CSMD1: variants seen among roughly 807,000 people sequenced by gnomAD.
CSMD1 encodes the protein CUB and sushi domain-containing protein 1.
CSMD1 carries 213 observed loss-of-function variants against 417.5 expected under a neutral mutation model. That is an observed-to-expected ratio of 0.51 (90% CI 0.46 to 0.57). The LOEUF (loss-of-function observed/expected upper bound fraction) is 0.57, where lower values mean the gene tolerates loss of function less well. Ranked by LOEUF, CSMD1 falls within the 20% of genes least tolerant of loss-of-function variation. CSMD1 has a pLI of 0.00. For missense variants in CSMD1, 6,923 were observed against 4,529.7 expected (o/e 1.53, Z -15.17); for synonymous variants, 2,862 against 1,736.8 (o/e 1.65, Z -16.11).
At chr8:3,972,326 G>C (rs947151403) in intron 5 of CSMD1, among the ~76,000 whole-genome samples, 5 of 152,086 alleles carry the variant, frequency 3.3e-5, no homozygotes, top group African/African-American at 1.2e-4. Flanking sequence ...AGTTTTCCAA[G>C]ATTGTCACTT....
chr8:3,982,198 A>ATATT (rs67611582), intron 5 of CSMD1, among the ~76,000 whole-genome samples: 1 of 81,020 alleles, frequency 1.2e-5, no homozygotes, highest in African/African-American at 3.9e-5. Context: ...AATATTAATA[A>ATATT]AAAAAATAAT....
At chr8:4,278,198 G>C (rs750180082) in intron 3 of CSMD1, among the ~76,000 whole-genome samples, 2 of 151,894 alleles carry the variant, frequency 1.3e-5, no homozygotes, top group Non-Finnish European at 2.9e-5. Context: ...TATAATTCCA[G>C]TGCTCAATAG....
At chr8:4,079,772 C>G (rs1800025463) in intron 3 of CSMD1, among the ~76,000 whole-genome samples, 1 of 152,060 alleles carries the variant, frequency 6.6e-6, no homozygotes, top group African/African-American at 2.4e-5. Flanking sequence ...CAATTAATAA[C>G]CCATGTTCTC....
At position 3,788,291 on chromosome 8, in the gene CSMD1, T is replaced by C. The variant is rs75942898; in HGVS notation, c.819-34249A>G. Among the ~76,000 whole-genome samples, 152 of 152,318 alleles carry C rather than the reference T, an allele frequency of 1.0e-3. 4 individuals carry two copies. The East Asian group carries it at 0.025, about 25-fold the overall frequency. ...TTTTCTTTCTTAAGGAACTTTTTCA[T>C]AGCATTTTAGTAAAATGCATAATAA... On this transcript the variant is annotated intron_variant, in intron 5 of 69. Transcript: ENST00000635120.
chr8:3,298,544 C>T (rs113072551), intron 25 of CSMD1, among the ~76,000 whole-genome samples: 3,309 of 152,266 alleles, frequency 0.022, 110 homozygotes, highest in African/African-American at 0.074. Flanking sequence ...ACCTCTGCCT[C>T]CCAGGCTCAA....
chr8:4,458,879 G>A (rs1176928546), intron 2 of CSMD1, among the ~76,000 whole-genome samples: 2 of 152,308 alleles, frequency 1.3e-5, no homozygotes, highest in Middle Eastern at 3.4e-3. Context: ...ATTCCACAGT[G>A]AAACAAGCAC....
intron 3 of CSMD1, among the ~76,000 whole-genome samples, chr8:4,206,409 C>T (rs1407047076): frequency 6.6e-6 from 1 of 152,060 alleles, no homozygotes; most frequent in Admixed American, 6.6e-5. Flanking sequence ...CTGTTCAGTT[C>T]CCACCTATGA....
chr8:3,229,395 C>A (rs1306509902), intron 27 of CSMD1, among the ~76,000 whole-genome samples: 1 of 152,092 alleles, frequency 6.6e-6, no homozygotes, highest in Non-Finnish European at 1.5e-5. Context: ...AGACAATCTA[C>A]CTGCAATTAC....
chr8:4,430,709 C>G (rs560730981), intron 2 of CSMD1, among the ~76,000 whole-genome samples: 6 of 152,026 alleles, frequency 3.9e-5, no homozygotes, highest in Non-Finnish European at 8.8e-5. Context: ...AACAAAAAAT[C>G]TAAAGAGATT....
chr8:4,634,190 T>C (rs1319355595), intron 2 of CSMD1, among the ~76,000 whole-genome samples: 2 of 152,122 alleles, frequency 1.3e-5, no homozygotes, highest in African/African-American at 2.4e-5. Context: ...GTTGGTGTGT[T>C]TGTACTAAAG....
chr8:3,988,797 A>G (rs1045381297), intron 5 of CSMD1, among the ~76,000 whole-genome samples: 2 of 152,188 alleles, frequency 1.3e-5, no homozygotes, highest in African/African-American at 2.4e-5. Context: ...GGTCAATTAT[A>G]TTTCCAAACA....
intron 7 of CSMD1, among the ~76,000 whole-genome samples, chr8:3,699,888 T>A (rs561568877): frequency 7.6e-6 from 1 of 130,978 alleles, no homozygotes; most frequent in African/African-American, 2.8e-5. Flanking sequence ...CATAGCTACA[T>A]CCCTGGGTTA....
intron 5 of CSMD1, among the ~76,000 whole-genome samples, chr8:3,968,728 A>C (rs1323416213): frequency 6.6e-6 from 1 of 152,176 alleles, no homozygotes; most frequent in African/African-American, 2.4e-5. Context: ...CTAATGTGTA[A>C]ATAGCATTTA....
intron 1 of CSMD1, among the ~76,000 whole-genome samples, chr8:4,654,319 G>A (rs753817498): frequency 1.4e-4 from 21 of 152,104 alleles, no homozygotes; most frequent in Non-Finnish European, 2.5e-4. Flanking sequence ...GTTCAGGGAT[G>A]TATTGCTTTC....
intron 3 of CSMD1, among the ~76,000 whole-genome samples, chr8:4,330,384 C>T (rs1168706121): frequency 2.0e-5 from 3 of 152,030 alleles, no homozygotes; most frequent in Non-Finnish European, 4.4e-5. Flanking sequence ...CACTTGAGGT[C>T]AGGAGTTCAG....
At chr8:3,736,860 G>T (rs2466281) in intron 6 of CSMD1, among the ~76,000 whole-genome samples, 3 of 151,968 alleles carry the variant, frequency 2.0e-5, no homozygotes, top group East Asian at 1.9e-4. Flanking sequence ...CATATGAATG[G>T]GTGAAAGCCA....
intron 1 of CSMD1, among the ~76,000 whole-genome samples, chr8:4,904,582 G>A (rs1164116269): frequency 1.3e-5 from 2 of 152,024 alleles, no homozygotes; most frequent in Non-Finnish European, 2.9e-5. Flanking sequence ...AACACATATA[G>A]TGAATATCAT....
chr8:3,222,419 C>T (rs925708188), intron 28 of CSMD1, among the ~76,000 whole-genome samples: 4 of 152,056 alleles, frequency 2.6e-5, no homozygotes, highest in Admixed American at 2.0e-4. Flanking sequence ...CAACAGTCCT[C>T]CTGCCTCAGC....
chr8:4,032,159 TATAAG>T (rs1373672771), intron 3 of CSMD1, 60 bp from the exon 4 acceptor site: 33 of 1,317,252 alleles, frequency 2.5e-5, no homozygotes, highest in African/African-American at 2.3e-4. Context: ...GAGAGCCACT[TATAAG>T]ATAAAACAGA....
Sources: allele counts gnomAD v4.1 joint callset (sites outside exome capture counted in the v4.1 genomes callset), GRCh38; gene constraint gnomAD v4.1.1; transcripts MANE v1.5; gene names NCBI Gene and HGNC (gene_info 2026-07-23, HGNC 2026-07-21).